The following ZC2HC1A variants were observed in gnomAD, a reference collection of about 807,000 sequenced individuals.
The protein encoded by ZC2HC1A is zinc finger C2HC-type containing 1A, also known as zinc finger C2HC domain-containing protein 1A.
ZC2HC1A carries 28 observed loss-of-function variants against 40.7 expected under a neutral mutation model. That is an observed-to-expected ratio of 0.69 (90% CI 0.51 to 0.94). ZC2HC1A has a LOEUF of 0.94. Ranked by LOEUF, ZC2HC1A falls within the 40% of genes least tolerant of loss-of-function variation. The probability of loss-of-function intolerance (pLI) is 0.00; values close to 1 mark genes in which losing one functional copy is unlikely to be tolerated. For synonymous variants in ZC2HC1A, 129 were observed against 129.2 expected (o/e 1.00, Z 0.01); for missense variants, 389 against 386.3 (o/e 1.01, Z -0.06).
intron 1 of ZC2HC1A, among the ~76,000 whole-genome samples, chr8:78,673,363 C>G (rs778661345): frequency 1.3e-4 from 20 of 152,232 alleles, no homozygotes; most frequent in Admixed American, 2.6e-4. Flanking sequence ...GTAAATAGTG[C>G]TGCAGTAAGC....
intron 1 of ZC2HC1A, among the ~76,000 whole-genome samples, chr8:78,668,402 C>T (rs780413453): frequency 6.6e-6 from 1 of 152,020 alleles, no homozygotes; most frequent in African/African-American, 2.4e-5. Flanking sequence ...AGAGTAATTG[C>T]GTAAATATTG....
chr8:78,696,272 G>A (rs1810410487), intron 5 of ZC2HC1A, among the ~76,000 whole-genome samples: 2 of 152,240 alleles, frequency 1.3e-5, no homozygotes, highest in South Asian at 4.2e-4. Context: ...CTGACCTTGT[G>A]ATCCACCTGC....
chr8:78,713,999 G>A (rs1011273694), intron 7 of ZC2HC1A, among the ~76,000 whole-genome samples: 1 of 152,038 alleles, frequency 6.6e-6, no homozygotes, highest in Non-Finnish European at 1.5e-5. Flanking sequence ...CAATTTTAGG[G>A]TACTCTCTCC....
In ZC2HC1A at chr8:78,676,730, CTT is replaced by C. The variant is rs202238237; in HGVS notation, c.93+870_93+871del. On this transcript the variant is annotated intron_variant, in intron 2 of 8. Coordinates refer to ENST00000263849, the MANE Select transcript of ZC2HC1A (RefSeq NM_016010.3). ...TAAATAATGATGGCTTTTTTGTAAT[CTT>C]TTAAAAACATCTTGCCCACACATTC... Among the ~76,000 whole-genome samples the C allele has an allele frequency of 9.5e-3, 1,447 of 151,856 alleles. 46 individuals are homozygous for C. Among genetic ancestry groups the C allele is most frequent in the Admixed American group, 0.064 (977 of 15,234 alleles).
chr8:78,688,637 G>A (rs1354347278), intron 4 of ZC2HC1A, among the ~76,000 whole-genome samples: 2 of 152,042 alleles, frequency 1.3e-5, no homozygotes, highest in Non-Finnish European at 2.9e-5. Flanking sequence ...TGCATTTTGG[G>A]AAGATATTTT....
intron 1 of ZC2HC1A, among the ~76,000 whole-genome samples, chr8:78,668,882 C>G (rs1399417267): frequency 6.6e-6 from 1 of 150,834 alleles, no homozygotes; most frequent in Non-Finnish European, 1.5e-5. Flanking sequence ...AGATTTTATC[C>G]TTATATACAG....
intron 3 of ZC2HC1A, among the ~76,000 whole-genome samples, chr8:78,679,597 A>T (rs1323798587): frequency 6.6e-6 from 1 of 152,172 alleles, no homozygotes; most frequent in Non-Finnish European, 1.5e-5. Context: ...CCAACTGTGT[A>T]TTGCTAAGAA....
Position 78,718,959 on chromosome 8 carries a change from T to C in ZC2HC1A, c.*1466T>C, listed in dbSNP as rs1811185586. The C allele has an allele frequency of 6.6e-6, 1 of 151,850 alleles. No homozygotes were observed. The highest frequency in any genetic ancestry group is 2.1e-4 in the South Asian group (1 of 4,830). 9.4% of individuals were successfully genotyped at this position (151,850 alleles called of 1,614,324 possible). A position where few individuals can be genotyped will look rare whatever the true frequency, so the allele number is the denominator to read the frequency against. ...TTTATCTGAAATTTATTAGCTTAGT[T>C]TAGTTTGGGCAGGAGTTACAAACTT... On this transcript the variant is annotated 3_prime_UTR_variant, in exon 9 of 9. Coordinates refer to ENST00000263849, the MANE Select transcript of ZC2HC1A (RefSeq NM_016010.3).
chr8:78,704,217 A>G (rs1435417504), intron 7 of ZC2HC1A, among the ~76,000 whole-genome samples: 5 of 151,620 alleles, frequency 3.3e-5, no homozygotes, highest in Non-Finnish European at 5.9e-5. Flanking sequence ...GCCTGTCTCT[A>G]TTTAAAAAAA....
At chr8:78,715,134 T>C in intron 7 of ZC2HC1A, 87 bp from the exon 8 acceptor site, 1 of 1,143,098 alleles carries the variant, frequency 8.7e-7, no homozygotes. Flanking sequence ...AGCTTCTAAG[T>C]ATTCTTTCTA....
At position 78,713,339 on chromosome 8, in the gene ZC2HC1A, T is replaced by C. The variant is rs148102802; in HGVS notation, c.705-1882T>C. The stretch of plus-strand genomic sequence containing the variant: ...CTATTAATGATGATAATCTCTTATA[T>C]TTTCCTCTAAATATAAACATTTTGA... On this transcript the variant is annotated intron_variant, in intron 7 of 8. Coordinates refer to ENST00000263849, the MANE Select transcript of ZC2HC1A (RefSeq NM_016010.3). Among the ~76,000 whole-genome samples the C allele has an allele frequency of 3.9e-5, 6 of 152,202 alleles. No individual in the cohort carries two copies. In the East Asian group the frequency reaches 1.2e-3, roughly 29 times the overall value.
At chr8:78,713,219 T>C (rs1811002096) in intron 7 of ZC2HC1A, among the ~76,000 whole-genome samples, 1 of 152,132 alleles carries the variant, frequency 6.6e-6, no homozygotes, top group Admixed American at 6.5e-5. Flanking sequence ...AAAGAAAAAT[T>C]TGTGGACTGT....
At chr8:78,711,356 T>A (rs1180417678) in intron 7 of ZC2HC1A, among the ~76,000 whole-genome samples, 2 of 152,090 alleles carry the variant, frequency 1.3e-5, no homozygotes, top group Non-Finnish European at 2.9e-5. Flanking sequence ...AGAGCCTTTA[T>A]AATTTTGGTC....
chr8:78,684,090 T>C (rs1809875681), intron 3 of ZC2HC1A, among the ~76,000 whole-genome samples: 1 of 152,188 alleles, frequency 6.6e-6, no homozygotes. Context: ...TTCTGAGCCC[T>C]CCAAACTGTT....
chr8:78,712,798 C>G (rs1282737221), intron 7 of ZC2HC1A, among the ~76,000 whole-genome samples: 2 of 152,030 alleles, frequency 1.3e-5, no homozygotes, highest in Non-Finnish European at 2.9e-5. Flanking sequence ...AAATTAGGGC[C>G]TAAAAATTAA....
At chr8:78,686,922 G>A (rs1035715666) in intron 4 of ZC2HC1A, among the ~76,000 whole-genome samples, 3 of 151,954 alleles carry the variant, frequency 2.0e-5, no homozygotes, top group Admixed American at 6.6e-5. Context: ...TGCTCACTGC[G>A]GATTGAAATG....
intron 5 of ZC2HC1A, among the ~76,000 whole-genome samples, chr8:78,695,035 A>T (rs916138768): frequency 6.6e-6 from 1 of 152,166 alleles, no homozygotes; most frequent in Non-Finnish European, 1.5e-5. Context: ...TAGAATAGAT[A>T]GAATATAGCT....
intron 7 of ZC2HC1A, among the ~76,000 whole-genome samples, chr8:78,704,247 G>A (rs1810698518): frequency 6.6e-6 from 1 of 151,904 alleles, no homozygotes; most frequent in African/African-American, 2.4e-5. Flanking sequence ...AATTAGCCGG[G>A]TGTGGTTGTG....
At chr8:78,688,621 A>G (rs543510289) in intron 4 of ZC2HC1A, among the ~76,000 whole-genome samples, 1 of 152,282 alleles carries the variant, frequency 6.6e-6, no homozygotes, top group East Asian at 1.9e-4. Flanking sequence ...AATTTACAGT[A>G]TGCTTTGCAT....
Sources: gnomAD v4.1 joint callset for allele counts (sites outside exome capture counted in the v4.1 genomes callset) on GRCh38, gnomAD v4.1.1 for gene constraint, MANE v1.5 for transcripts, NCBI Gene and HGNC (gene_info 2026-07-23, HGNC 2026-07-21) for gene names.